Variants in SLC35F4 observed in about 807,000 individuals in gnomAD.
SLC35F4 encodes chromosome 14 open reading frame 36.
Under a neutral mutation model 44.2 loss-of-function variants are expected in SLC35F4, and 24 were observed. That is an observed-to-expected ratio of 0.54 (90% CI 0.39 to 0.76). The LOEUF (loss-of-function observed/expected upper bound fraction) is 0.76, where lower values mean the gene tolerates loss of function less well. Among genes scored for constraint, SLC35F4 ranks in the 30% least tolerant of loss-of-function variants. The pLI, the probability that SLC35F4 is intolerant of heterozygous loss-of-function variation, is 0.00. For synonymous variants in SLC35F4, 238 were observed against 223.6 expected (o/e 1.06, Z -0.57); for missense variants, 562 against 586.1 (o/e 0.96, Z 0.42).
intron 1 of SLC35F4, among the ~76,000 whole-genome samples, chr14:57,920,163 C>A (rs1445737380): frequency 6.6e-6 from 1 of 152,186 alleles, no homozygotes; most frequent in Non-Finnish European, 1.5e-5. Context: ...ATTTATTTAA[C>A]CATGCTAGTT....
intron 3 of SLC35F4, among the ~76,000 whole-genome samples, chr14:57,583,560 T>G (rs1029040583): frequency 3.9e-5 from 6 of 152,144 alleles, no homozygotes; most frequent in Admixed American, 2.0e-4. Flanking sequence ...CCAACAGATG[T>G]GTATTCCAGA....
chr14:57,692,950 A>G (rs933180940), intron 1 of SLC35F4, among the ~76,000 whole-genome samples: 1 of 152,194 alleles, frequency 6.6e-6, no homozygotes, highest in Non-Finnish European at 1.5e-5. Context: ...TCCATCACCT[A>G]CACAACTGTA....
intron 1 of SLC35F4, among the ~76,000 whole-genome samples, chr14:57,962,269 A>G (rs1438913481): frequency 6.6e-6 from 1 of 152,240 alleles, no homozygotes; most frequent in African/African-American, 2.4e-5. Context: ...TCCAGGATTA[A>G]AGAGATTAGA....
At chr14:57,841,388 G>C (rs1286154700) in intron 1 of SLC35F4, among the ~76,000 whole-genome samples, 1 of 152,092 alleles carries the variant, frequency 6.6e-6, no homozygotes, top group African/African-American at 2.4e-5. Flanking sequence ...CAGTCCCAGA[G>C]GTATGAACCA....
intron 1 of SLC35F4, among the ~76,000 whole-genome samples, chr14:57,816,117 A>C (rs1882556692): frequency 6.6e-6 from 1 of 152,188 alleles, no homozygotes; most frequent in African/African-American, 2.4e-5. Flanking sequence ...GGAGAGTTGC[A>C]CTTCACATAT....
Position 57,563,982 on chromosome 14 carries a change from A to T in SLC35F4, c.*153T>A, listed in dbSNP as rs2068080887. The stretch of plus-strand genomic sequence containing the variant: ...GATTATTTACACCAATTCCTTGATA[A>T]GCATATAAATGTAAACTTTTATTGT... On this transcript the variant is annotated 3_prime_UTR_variant, in exon 8 of 8. Coordinates refer to ENST00000556826, the MANE Select transcript of SLC35F4 (RefSeq NM_001306087.2). The T allele has an allele frequency of 1.3e-6, 1 of 749,648 alleles. No individual in the cohort carries two copies. The highest frequency in any genetic ancestry group is 1.8e-5 in the African/African-American group (1 of 56,506). 46.4% of individuals were successfully genotyped at this position (749,648 alleles called of 1,614,324 possible).
chr14:57,730,054 G>A (rs1466676905), intron 1 of SLC35F4, among the ~76,000 whole-genome samples: 1 of 152,180 alleles, frequency 6.6e-6, no homozygotes, highest in East Asian at 1.9e-4. Context: ...GGCACAGATG[G>A]TCTCTCTGCA....
At chr14:57,878,409 T>C (rs893915155) in intron 1 of SLC35F4, among the ~76,000 whole-genome samples, 1 of 152,180 alleles carries the variant, frequency 6.6e-6, no homozygotes, top group Non-Finnish European at 1.5e-5. Flanking sequence ...ACTCTTAGCA[T>C]GAATCCCACA....
At chr14:57,618,229 CG>C (rs1266064739) in intron 1 of SLC35F4, among the ~76,000 whole-genome samples, 1 of 152,286 alleles carries the variant, frequency 6.6e-6, no homozygotes, top group Non-Finnish European at 1.5e-5. Flanking sequence ...ATCCAGTCAT[CG>C]TGGCAGCTTA....
At chr14:57,659,461 T>A (rs547779157) in intron 1 of SLC35F4, among the ~76,000 whole-genome samples, 1 of 152,202 alleles carries the variant, frequency 6.6e-6, no homozygotes, top group South Asian at 2.1e-4. Context: ...GCAGTCAGAA[T>A]TAAATAGAAA....
chr14:57,614,162 T>G (rs1437321567), intron 1 of SLC35F4, among the ~76,000 whole-genome samples: 1 of 148,900 alleles, frequency 6.7e-6, no homozygotes, highest in African/African-American at 2.4e-5. Flanking sequence ...TACTGTACAT[T>G]TGCAGTGGGG....
intron 1 of SLC35F4, among the ~76,000 whole-genome samples, chr14:57,704,822 C>T (rs2075629573): frequency 2.0e-5 from 3 of 152,074 alleles, no homozygotes; most frequent in Admixed American, 1.3e-4. Flanking sequence ...TGAGAGAGCC[C>T]CTGGCCTGTA....
intron 1 of SLC35F4, among the ~76,000 whole-genome samples, chr14:57,939,735 G>A (rs956646832): frequency 1.3e-5 from 2 of 152,172 alleles, no homozygotes; most frequent in Non-Finnish European, 2.9e-5. Flanking sequence ...CCAATGGGCT[G>A]GGAGTTGGGT....
intron 3 of SLC35F4, among the ~76,000 whole-genome samples, chr14:57,585,835 C>T (rs983480862): frequency 9.2e-5 from 14 of 152,232 alleles, no homozygotes; most frequent in Non-Finnish European, 8.8e-5. Context: ...AGGACACAAA[C>T]GGGTGGGAAA....
intron 1 of SLC35F4, among the ~76,000 whole-genome samples, chr14:57,812,117 G>C (rs540716008): frequency 6.6e-6 from 1 of 152,318 alleles, no homozygotes; most frequent in Admixed American, 6.5e-5. Flanking sequence ...TAGCTAATCA[G>C]TGATGTGTAT....
At chr14:57,566,417 A>C in intron 7 of SLC35F4, 58 bp downstream of exon 7, 2 of 1,500,164 alleles carry the variant, frequency 1.3e-6, no homozygotes, top group Non-Finnish European at 9.1e-7. Flanking sequence ...ACACAGAACA[A>C]ACACAAGCAA....
chr14:57,935,411 A>G (rs1399699513), intron 1 of SLC35F4, among the ~76,000 whole-genome samples: 2 of 152,224 alleles, frequency 1.3e-5, no homozygotes, highest in African/African-American at 4.8e-5. Context: ...AAGGGTAAGT[A>G]GTCAAGGCAC....
intron 1 of SLC35F4, among the ~76,000 whole-genome samples, chr14:57,665,741 A>G (rs971654595): frequency 1.3e-5 from 2 of 152,196 alleles, no homozygotes; most frequent in African/African-American, 2.4e-5. Flanking sequence ...ATGTCCACCA[A>G]TGATAGACTG....
chr14:57,937,039 A>G (rs974971645), intron 1 of SLC35F4, among the ~76,000 whole-genome samples: 2 of 150,264 alleles, frequency 1.3e-5, no homozygotes, highest in East Asian at 2.0e-4. Flanking sequence ...ATTTAGCAGC[A>G]GGAAATTAAT....
Sources: allele counts gnomAD v4.1 joint callset (sites outside exome capture counted in the v4.1 genomes callset), GRCh38; gene constraint gnomAD v4.1.1; transcripts MANE v1.5; gene names NCBI Gene and HGNC (gene_info 2026-07-23, HGNC 2026-07-21).